PHF20: variants seen among roughly 807,000 people sequenced by gnomAD.
PHF20 encodes the protein PHD finger protein 20.
A neutral mutation model predicts 113.5 loss-of-function variants in PHF20; 23 were observed. The ratio of observed to expected loss-of-function variants is 0.20; its 90% CI spans 0.15 to 0.29. The LOEUF (loss-of-function observed/expected upper bound fraction) is 0.29, where lower values mean the gene tolerates loss of function less well. PHF20 is among the 10% of genes least tolerant of loss of function. The pLI, the probability that PHF20 is intolerant of heterozygous loss-of-function variation, is 1.00. For synonymous variants in PHF20, 434 were observed against 457.3 expected (o/e 0.95, Z 0.65); for missense variants, 943 against 1,219.6 (o/e 0.77, Z 3.38).
chr20:35,812,190 A>G (rs1471551609), intron 2 of PHF20, among the ~76,000 whole-genome samples: 1 of 152,224 alleles, frequency 6.6e-6, no homozygotes, highest in Non-Finnish European at 1.5e-5. Flanking sequence ...TAATTTAGCA[A>G]TAATTTTATA....
chr20:35,772,334 C>T (rs112982466), intron 1 of PHF20, among the ~76,000 whole-genome samples: 1 of 150,790 alleles, frequency 6.6e-6, no homozygotes, highest in Non-Finnish European at 1.5e-5. Flanking sequence ...TGCCGCCAAT[C>T]AGCGCCGCCC....
chr20:35,870,324 AAAAAAAAT>A (rs2054397710), intron 7 of PHF20, among the ~76,000 whole-genome samples: 2 of 134,664 alleles, frequency 1.5e-5, no homozygotes, highest in Admixed American at 7.4e-5. Flanking sequence ...AAAAAAAAAA[AAAAAAAAT>A]TAGCCGGGTG....
intron 17 of PHF20, among the ~76,000 whole-genome samples, chr20:35,943,870 C>T (rs1159627913): frequency 1.3e-5 from 2 of 152,124 alleles, no homozygotes; most frequent in Admixed American, 1.3e-4. Flanking sequence ...CTGCCTGCCT[C>T]GGGCTCCCAA....
At chr20:35,933,521 C>T (rs939990300) in intron 15 of PHF20, among the ~76,000 whole-genome samples, 9 of 151,956 alleles carry the variant, frequency 5.9e-5, no homozygotes, top group South Asian at 2.1e-4. Flanking sequence ...CTCAGCCTCC[C>T]GAGTAGCTGG....
At chr20:35,849,579 G>A (rs185652875) in intron 4 of PHF20, 1 of 461,496 alleles carries the variant, frequency 2.2e-6, no homozygotes, top group African/African-American at 2.0e-5. Flanking sequence ...GTTTGGATTA[G>A]AGCTGATGGT....
At position 35,821,052 on chromosome 20, in the gene PHF20, C is replaced by G. The variant is rs1423472206; in HGVS notation, c.83+19447C>G. 2.0e-5 allele frequency among the ~76,000 whole-genome samples: 3 copies of G among 151,996 alleles called. No individual in the cohort carries two copies. The East Asian group carries it at 5.8e-4, about 29-fold the overall frequency. On this transcript the variant is annotated intron_variant, in intron 2 of 17. Transcript: ENST00000374012. ...GTGAGCCCAGAAAGGTCAGCAGGGG[C>G]CAGATCGGCCATAATAAGGAGTTTG... is the stretch of plus-strand genomic sequence containing the variant.
At chr20:35,825,442 C>T (rs928164131) in intron 2 of PHF20, among the ~76,000 whole-genome samples, 1 of 152,178 alleles carries the variant, frequency 6.6e-6, no homozygotes. Context: ...ACTCCCTCCT[C>T]AGGCTCCACT....
At chr20:35,815,096 T>G (rs1331510376) in intron 2 of PHF20, among the ~76,000 whole-genome samples, 2 of 151,634 alleles carry the variant, frequency 1.3e-5, no homozygotes, top group East Asian at 3.9e-4. Context: ...CTCGGGAGGT[T>G]GAGGCAGGAA....
chr20:35,799,109 T>C (rs888314577), intron 1 of PHF20, among the ~76,000 whole-genome samples: 1 of 152,064 alleles, frequency 6.6e-6, no homozygotes, highest in Admixed American at 6.6e-5. Flanking sequence ...GAGGCAGGCA[T>C]TGCTCTGGCA....
intron 13 of PHF20, 84 bp from the exon 14 acceptor site, chr20:35,927,695 GC>G (rs897539252): frequency 7.1e-6 from 7 of 992,796 alleles, no homozygotes; most frequent in Non-Finnish European, 1.1e-5. Flanking sequence ...ATCCTCCCAT[GC>G]CCCTCCCCTC....
chr20:35,917,764 A>G, intron 13 of PHF20, 102 bp downstream of exon 13: 1 of 982,452 alleles, frequency 1.0e-6, no homozygotes, highest in South Asian at 1.6e-5. Context: ...GAGCCCCAGA[A>G]ACACAGCACG....
rs1351668377 is a variant in PHF20, at chr20:35,947,820, C to G, written c.*193C>G. On this transcript the variant is annotated 3_prime_UTR_variant, in exon 18 of 18. Coordinates refer to ENST00000374012, the MANE Select transcript of PHF20 (RefSeq NM_016436.5). ...GCGGGAGGACACTCTGATCTCGAAG[C>G]CTGCCATAAAGGTAGCAAATAGACT... 1.8e-6 allele frequency: 1 copy of G among 569,802 alleles called. No homozygotes were observed. Among genetic ancestry groups the G allele is most frequent in the Non-Finnish European group, 3.1e-6 (1 of 320,448 alleles). 35.3% of individuals were successfully genotyped at this position (569,802 alleles called of 1,614,324 possible). A position where few individuals can be genotyped will look rare whatever the true frequency, so the allele number is the denominator to read the frequency against.
chr20:35,869,438 C>G lies in PHF20; in HGVS notation c.809C>G (p.Ala270Gly), dbSNP rs1238548896. The G allele has an allele frequency of 1.3e-6, 2 of 1,512,938 alleles. No individual in the cohort carries two copies. The highest frequency in any genetic ancestry group is 3.5e-5 in the Admixed American group (2 of 56,850). The allele number at this position is 1,512,938 out of a possible 1,614,324, so 93.7% of individuals were successfully genotyped here. A position where few individuals can be genotyped will look rare whatever the true frequency, so the allele number is the denominator to read the frequency against. ...TTGTGTGGTTTTATAAACATGGTAG[C>G]TGTGGATTCAAACTCTCAAACTTTG... ...RGRPPSIAPTAVDSNSQTLQP... is the reference protein window; with the variant it reads ...RGRPPSIAPTGVDSNSQTLQP... The change falls in exon 7 of 18, where the codon GCT becomes GGT. Residue 270 changes from alanine (A) to glycine (G), a missense_variant and splice_region_variant. By Grantham distance (60) the Ala-to-Gly change is moderately conservative. Coordinates refer to ENST00000374012, the MANE Select transcript of PHF20 (RefSeq NM_016436.5).
chr20:35,878,757 T>G (rs1278307264), intron 9 of PHF20: 2 of 719,804 alleles, frequency 2.8e-6, no homozygotes, highest in Non-Finnish European at 5.0e-6. Context: ...GTCTTGCTCT[T>G]GTAGGAGGAG....
intron 2 of PHF20, among the ~76,000 whole-genome samples, chr20:35,823,293 G>A (rs1213868976): frequency 2.0e-5 from 3 of 151,646 alleles, no homozygotes; most frequent in African/African-American, 7.3e-5. Context: ...GACAGTTCAC[G>A]CAAGCCCCAC....
chr20:35,782,546 A>C (rs573408220), intron 1 of PHF20: 1 of 152,146 alleles, frequency 6.6e-6, no homozygotes, highest in Admixed American at 6.6e-5. Context: ...CGGCCTCCCA[A>C]AGTGCTAGGA....
intron 9 of PHF20, among the ~76,000 whole-genome samples, chr20:35,885,329 A>AT (rs1366086698): frequency 6.6e-6 from 1 of 151,852 alleles, no homozygotes; most frequent in East Asian, 1.9e-4. Flanking sequence ...ATGGGGGTAA[A>AT]TTTTTTTTAT....
intron 13 of PHF20, among the ~76,000 whole-genome samples, chr20:35,923,935 T>C (rs1364935392): frequency 6.6e-6 from 1 of 151,988 alleles, no homozygotes; most frequent in Non-Finnish European, 1.5e-5. Flanking sequence ...TAATTTTTTT[T>C]TGTAGAGATG....
chr20:35,812,721 T>C (rs1420178040), intron 2 of PHF20, among the ~76,000 whole-genome samples: 1 of 152,146 alleles, frequency 6.6e-6, no homozygotes, highest in Non-Finnish European at 1.5e-5. Context: ...TTGGATAAGG[T>C]AATGACTTCC....
Sources: gnomAD v4.1 joint callset for allele counts (sites outside exome capture counted in the v4.1 genomes callset) on GRCh38, gnomAD v4.1.1 for gene constraint, MANE v1.5 for transcripts, NCBI Gene and HGNC (gene_info 2026-07-23, HGNC 2026-07-21) for gene names.